Variants in CFAP299 observed in about 807,000 individuals in gnomAD.
The protein encoded by CFAP299 is cilia- and flagella-associated protein 299.
CFAP299 carries 21 observed loss-of-function variants against 27.0 expected under a neutral mutation model. That is an observed-to-expected ratio of 0.78 (90% CI 0.55 to 1.12). The LOEUF (loss-of-function observed/expected upper bound fraction) is 1.12. Among genes scored for constraint, CFAP299 ranks in the 50% most tolerant of loss-of-function variants. CFAP299 has a pLI of 0.00. For missense variants in CFAP299, 310 were observed against 276.6 expected (o/e 1.12, Z -0.86); for synonymous variants, 104 against 98.1 (o/e 1.06, Z -0.36).
At chr4:80,689,892 C>G (rs1006392187) in intron 3 of CFAP299, among the ~76,000 whole-genome samples, 1 of 151,848 alleles carries the variant, frequency 6.6e-6, no homozygotes, top group African/African-American at 2.4e-5. Context: ...GGGTTGCAAT[C>G]CTAGTCTCTG....
chr4:80,582,979 T>G (rs926028030), intron 2 of CFAP299, 114 bp from the exon 3 acceptor site: 2 of 541,622 alleles, frequency 3.7e-6, no homozygotes, highest in Non-Finnish European at 3.3e-6. Flanking sequence ...TTTATTTATA[T>G]GGTTTTCATG....
chr4:80,782,641 CATATATGAATAT>C (rs1726967810), intron 3 of CFAP299, among the ~76,000 whole-genome samples: 1 of 105,906 alleles, frequency 9.4e-6, no homozygotes, highest in Non-Finnish European at 2.0e-5. Context: ...ATATAATATA[CATATATGAATAT>C]ATAATATATT....
chr4:80,491,114 G>C (rs1391740402), intron 2 of CFAP299, among the ~76,000 whole-genome samples: 1 of 151,764 alleles, frequency 6.6e-6, no homozygotes, highest in Non-Finnish European at 1.5e-5. Context: ...CATTCAGCTT[G>C]AATCAAAATT....
At chr4:80,453,389 C>G (rs1347590317) in intron 2 of CFAP299, among the ~76,000 whole-genome samples, 1 of 152,164 alleles carries the variant, frequency 6.6e-6, no homozygotes, top group East Asian at 1.9e-4. Flanking sequence ...ATTTATCATT[C>G]TTTTATTTCT....
At position 80,447,378 on chromosome 4, in the gene CFAP299, G is replaced by A. The variant is rs1264816669; in HGVS notation, c.242+84494G>A. Among the ~76,000 whole-genome samples the A allele has an allele frequency of 2.0e-4, 30 of 150,684 alleles. No individual in the cohort carries two copies. In the South Asian group the frequency reaches 5.5e-3, roughly 27 times the overall value. On this transcript the variant is annotated intron_variant, in intron 2 of 5. Transcript: ENST00000358105. Reference sequence around the variant, plus strand: ...TCTCGATCTCCTGACCTCGTGATCCGCCCGCCTCGGCCTCCCAAAGTGCTG... The same window carrying A: ...TCTCGATCTCCTGACCTCGTGATCCACCCGCCTCGGCCTCCCAAAGTGCTG...
At chr4:80,511,599 G>T (rs1300727086) in intron 2 of CFAP299, among the ~76,000 whole-genome samples, 5 of 151,970 alleles carry the variant, frequency 3.3e-5, no homozygotes, top group Non-Finnish European at 7.4e-5. Flanking sequence ...AACAATGAAG[G>T]TAATGGCCAT....
rs188129733 is a variant in CFAP299 at position 80,936,063 on chromosome 4, T to C, written c.477-8747T>C. Among the ~76,000 whole-genome samples the C allele has an allele frequency of 6.8e-3, 1,040 of 152,032 alleles. 9 individuals are homozygous for C. Among genetic ancestry groups the C allele is most frequent in the Non-Finnish European group, 0.012 (806 of 67,886 alleles). ...CTATTATTAAAAAGTCAAAACAAAA[T>C]TAGGTTGGTGCAAAATTGTAGCTTT... On this transcript the variant is annotated intron_variant, in intron 4 of 5. Transcript: ENST00000358105.
intron 2 of CFAP299, among the ~76,000 whole-genome samples, chr4:80,394,273 T>A (rs1725654988): frequency 6.6e-6 from 1 of 152,298 alleles, no homozygotes; most frequent in East Asian, 1.9e-4. Context: ...CCTTTGACTA[T>A]TTTCTAATGG....
chr4:80,325,494 T>A, the CFAP299 span, among the ~76,000 whole-genome samples: 4 of 152,258 alleles, frequency 2.6e-5, no homozygotes, highest in Admixed American at 2.6e-4. Context: ...TTATCCGTTT[T>A]TGCATTTGAA....
At chr4:80,872,501 A>G (rs1733152264) in intron 4 of CFAP299, 1 of 152,134 alleles carries the variant, frequency 6.6e-6, no homozygotes, top group African/African-American at 2.4e-5. Flanking sequence ...TTTTTCATTT[A>G]TAGAAAATTT....
rs551188594 is a variant in CFAP299, at chr4:80,372,751, G to A, written c.242+9867G>A. 5.3e-5 allele frequency among the ~76,000 whole-genome samples: 8 copies of A among 152,272 alleles called. No individual in the cohort carries two copies. The South Asian group carries it at 1.2e-3, about 24-fold the overall frequency. Reference sequence around the variant, plus strand: ...CACTGATGGAATCAATCAATGTGAAGTTCTGTGGGATGCCCAACCAGCCCA... The same window carrying A: ...CACTGATGGAATCAATCAATGTGAAATTCTGTGGGATGCCCAACCAGCCCA... On this transcript the variant is annotated intron_variant, in intron 2 of 5. Transcript: ENST00000358105.
intron 2 of CFAP299, among the ~76,000 whole-genome samples, chr4:80,546,496 A>G (rs1232499754): frequency 6.6e-6 from 1 of 152,200 alleles, no homozygotes; most frequent in Non-Finnish European, 1.5e-5. Context: ...ATGAATAGAA[A>G]AGCATTCCAT....
chr4:80,782,977 C>T (rs1001394415), intron 3 of CFAP299, among the ~76,000 whole-genome samples: 13 of 151,614 alleles, frequency 8.6e-5, no homozygotes, highest in Non-Finnish European at 1.2e-4. Context: ...TTCTTATGAC[C>T]TTATCAGGCA....
rs550960112 is a variant in CFAP299, at chr4:80,828,105, A to G, written c.334-41888A>G. ...TGGAGCGAAAGACAGTATTGATAAA[A>G]TGTTCGTATTATGGAAGACAATGTA... On this transcript the variant is annotated intron_variant, in intron 3 of 5. Coordinates refer to ENST00000358105, the MANE Select transcript of CFAP299 (RefSeq NM_152770.3). 1.1e-3 allele frequency among the ~76,000 whole-genome samples: 169 copies of G among 152,166 alleles called. 1 individual carries two copies. The highest frequency in any genetic ancestry group is 3.9e-3 in the African/African-American group (164 of 41,544).
At chr4:80,569,019 C>G (rs1735449663) in intron 2 of CFAP299, among the ~76,000 whole-genome samples, 1 of 152,124 alleles carries the variant, frequency 6.6e-6, no homozygotes, top group Non-Finnish European at 1.5e-5. Context: ...ACCACACTGC[C>G]TATCAGGTAG....
At chr4:80,347,543 A>T (rs767640887) in intron 1 of CFAP299, among the ~76,000 whole-genome samples, 6 of 152,214 alleles carry the variant, frequency 3.9e-5, no homozygotes, top group Non-Finnish European at 7.3e-5. Context: ...TGCTATAAAA[A>T]GAATGAAGTG....
intron 3 of CFAP299, among the ~76,000 whole-genome samples, chr4:80,864,303 C>A (rs1050903979): frequency 6.6e-6 from 1 of 151,160 alleles, no homozygotes; most frequent in Non-Finnish European, 1.5e-5. Context: ...CACACTCAGG[C>A]TGAAATAAAC....
chr4:80,652,564 T>C (rs1483484381), intron 3 of CFAP299, among the ~76,000 whole-genome samples: 5 of 152,104 alleles, frequency 3.3e-5, no homozygotes, highest in African/African-American at 4.8e-5. Flanking sequence ...TTGAATAGGA[T>C]ATTGAAATAT....
At chr4:80,748,775 T>A (rs1724759714) in intron 3 of CFAP299, among the ~76,000 whole-genome samples, 1 of 152,186 alleles carries the variant, frequency 6.6e-6, no homozygotes, top group Non-Finnish European at 1.5e-5. Flanking sequence ...TATTTGCTTA[T>A]AGGTCTGGGA....
Sources: allele counts gnomAD v4.1 joint callset (sites outside exome capture counted in the v4.1 genomes callset), GRCh38; gene constraint gnomAD v4.1.1; transcripts MANE v1.5; gene names NCBI Gene and HGNC (gene_info 2026-07-23, HGNC 2026-07-21).